The following LIPA variants were observed in gnomAD, a reference collection of about 807,000 sequenced individuals.
The protein encoded by LIPA is lysosomal acid lipase/cholesteryl ester hydrolase.
In LIPA, 26 loss-of-function variants were observed where a neutral mutation model predicts 40.6. That is an observed-to-expected ratio of 0.64 (90% CI 0.47 to 0.89). LIPA has a LOEUF of 0.89. Ranked by LOEUF, LIPA falls within the 40% of genes least tolerant of loss-of-function variation. The pLI, the probability that LIPA is intolerant of heterozygous loss-of-function variation, is 0.00. For synonymous variants in LIPA, 188 were observed against 168.4 expected (o/e 1.12, Z -0.90); for missense variants, 455 against 479.6 (o/e 0.95, Z 0.48).
At chr10:89,332,268 G>A (rs1162786741) in intron 1 of LIPA, among the ~76,000 whole-genome samples, 1 of 152,248 alleles carries the variant, frequency 6.6e-6, no homozygotes, top group Non-Finnish European at 1.5e-5. Flanking sequence ...CACGTTACGT[G>A]AGTCAGTTTT....
intron 1 of LIPA, chr10:89,306,304 T>C: frequency 6.2e-7 from 1 of 1,614,136 alleles, no homozygotes; most frequent in Non-Finnish European, 8.5e-7. Flanking sequence ...TTCAGATTTA[T>C]GTAGACAAGG....
In LIPA at chr10:89,251,735, A is replaced by T. The variant is rs967101381; in HGVS notation, c.-2+2T>A. 11 of 151,910 alleles carry T rather than the reference A, an allele frequency of 7.2e-5. No homozygotes were observed. Among genetic ancestry groups the T allele is most frequent in the Admixed American group, 2.6e-4 (4 of 15,268 alleles). 9.4% of individuals were successfully genotyped at this position (151,910 alleles called of 1,614,324 possible). On this transcript the variant is annotated splice_donor_variant, in intron 1 of 9. Transcript: ENST00000336233. LOFTEE classifies it low-confidence loss of function (5UTR_SPLICE). ...GCAGCGCCGCGGCGCCGGCACTCTC[A>T]CCTGGAGCTGTCCTGCCGGGCCGCT... is the stretch of plus-strand genomic sequence containing the variant.
intron 1 of LIPA, among the ~76,000 whole-genome samples, chr10:89,327,499 C>T (rs10887945): frequency 0.21 from 32,578 of 151,954 alleles, 4,387 homozygotes; most frequent in East Asian, 0.64. Context: ...TGCAGTGAGA[C>T]GCAATCATGC....
intron 1 of LIPA, chr10:89,306,667 A>G: frequency 6.2e-7 from 1 of 1,614,154 alleles, no homozygotes; most frequent in Non-Finnish European, 8.5e-7. Context: ...AGTTAGTTGA[A>G]GAAGCCTTGG....
rs143490286 is a variant in LIPA, at chr10:89,317,648, A to G, written c.-2+24963T>C. Among the ~76,000 whole-genome samples, 583 of 152,372 alleles carry G rather than the reference A, an allele frequency of 3.8e-3. 16 individuals carry two copies. The East Asian group carries it at 0.079, about 21-fold the overall frequency. On this transcript the variant is annotated intron_variant, in intron 1 of 5. Transcript: ENST00000282673. ...ACCAAGTTGGAAAACACTCTGCAGG[A>G]TATTATGCAGGAGAACTTCCCCAAC...
At chr10:89,253,851 G>T (rs192962584), upstream of LIPA, among the ~76,000 whole-genome samples, 3 of 152,198 alleles carry the variant, frequency 2.0e-5, no homozygotes, top group South Asian at 2.1e-4. Flanking sequence ...GCTAAAAGCC[G>T]CATGCAAGTC....
At chr10:89,408,864 A>T (rs779903765) in intron 2 of LIPA, among the ~76,000 whole-genome samples, 1 of 152,180 alleles carries the variant, frequency 6.6e-6, no homozygotes, top group Non-Finnish European at 1.5e-5. Flanking sequence ...GAAAGGGACA[A>T]ATTCCTTACT....
intron 7 of LIPA, among the ~76,000 whole-genome samples, chr10:89,222,866 T>A (rs1325418402): frequency 6.6e-6 from 1 of 152,232 alleles, no homozygotes; most frequent in East Asian, 1.9e-4. Flanking sequence ...CTTTCCTGAA[T>A]TTCCCAAATT....
chr10:89,246,829 T>C (rs1042669630), intron 2 of LIPA, among the ~76,000 whole-genome samples: 1 of 152,180 alleles, frequency 6.6e-6, no homozygotes, highest in Non-Finnish European at 1.5e-5. Context: ...TATAGAAATA[T>C]GTTCCCTGGA....
At chr10:89,386,492 C>T (rs572129084) in intron 2 of LIPA, among the ~76,000 whole-genome samples, 1 of 152,228 alleles carries the variant, frequency 6.6e-6, no homozygotes. Context: ...GATTCAGGCT[C>T]ACCTGGCCTC....
chr10:89,377,553 G>A (rs886136493), intron 2 of LIPA, among the ~76,000 whole-genome samples: 1 of 152,156 alleles, frequency 6.6e-6, no homozygotes, highest in African/African-American at 2.4e-5. Context: ...GAGTTGTTTT[G>A]CCTAACACAG....
intron 3 of LIPA, among the ~76,000 whole-genome samples, chr10:89,237,216 G>T (rs1842915785): frequency 6.6e-6 from 1 of 152,142 alleles, no homozygotes; most frequent in Admixed American, 6.6e-5. Context: ...GGAGTTTGAG[G>T]TTACAGTGAG....
intron 2 of LIPA, among the ~76,000 whole-genome samples, chr10:89,401,777 G>A (rs1230494155): frequency 1.0e-5 from 1 of 99,918 alleles, no homozygotes; most frequent in African/African-American, 4.6e-5. Flanking sequence ...TTATTTCCAA[G>A]TAAAAAAAAA....
At chr10:89,277,708 C>G (rs189670372) in intron 1 of LIPA, among the ~76,000 whole-genome samples, 1 of 152,282 alleles carries the variant, frequency 6.6e-6, no homozygotes, top group Admixed American at 6.5e-5. Flanking sequence ...TTTAGAACAA[C>G]CTCTGCTGGT....
intron 1 of LIPA, among the ~76,000 whole-genome samples, chr10:89,268,486 T>C (rs1297027691): frequency 1.3e-5 from 2 of 152,218 alleles, no homozygotes; most frequent in East Asian, 1.9e-4. Flanking sequence ...GTAGGTTCAA[T>C]ATAGTTACCA....
chr10:89,355,607 C>T (rs1279783196), intron 2 of LIPA, among the ~76,000 whole-genome samples: 2 of 152,200 alleles, frequency 1.3e-5, no homozygotes, highest in African/African-American at 2.4e-5. Context: ...GCTGCACTCC[C>T]AAGAGCTTAG....
intron 1 of LIPA, among the ~76,000 whole-genome samples, chr10:89,413,179 A>G (rs1841490164): frequency 6.6e-6 from 1 of 152,252 alleles, no homozygotes. Context: ...TAGAGTTCAT[A>G]AAATTTGCAA....
rs574454303 is a variant in LIPA at position 89,320,429 on chromosome 10, C to A, written c.-2+22182G>T. Among the ~76,000 whole-genome samples, 264 of 152,236 alleles carry A rather than the reference C, an allele frequency of 1.7e-3. 1 individual carries two copies. The highest frequency in any genetic ancestry group is 6.2e-3 in the African/African-American group (256 of 41,542). ...AGCATTCCTATACACCAATAACAGA[C>A]AAACAGAGAGCCAAATCATGAGTGA... On this transcript the variant is annotated intron_variant, in intron 1 of 5. Coordinates refer to the LIPA transcript ENST00000282673.
At chr10:89,362,150 C>T (rs191027) in intron 2 of LIPA, 53,690 of 151,866 alleles carry the variant, frequency 0.35, 11,096 homozygotes, top group East Asian at 0.62. Context: ...GCTATCTGCC[C>T]ACCTTGGCCT....
Sources: gnomAD v4.1 joint callset for allele counts (sites outside exome capture counted in the v4.1 genomes callset) on GRCh38, gnomAD v4.1.1 for gene constraint, MANE v1.5 for transcripts, NCBI Gene and HGNC (gene_info 2026-07-23, HGNC 2026-07-21) for gene names.